Variants in RBFOX1 observed in about 807,000 individuals in gnomAD.
RBFOX1 encodes RNA binding fox-1 homolog 1, also known as RNA binding protein fox-1 homolog 1.
RBFOX1 carries 8 observed loss-of-function variants against 57.7 expected under a neutral mutation model. The ratio of observed to expected loss-of-function variants is 0.14; its 90% CI spans 0.08 to 0.25. The LOEUF is 0.25. RBFOX1 is among the 10% of genes least tolerant of loss of function. RBFOX1 has a pLI of 1.00. For missense variants in RBFOX1, 611 were observed against 548.5 expected (o/e 1.11, Z -1.14); for synonymous variants, 326 against 222.4 (o/e 1.47, Z -4.15).
intron 3 of RBFOX1, among the ~76,000 whole-genome samples, chr16:6,911,304 A>G (rs1269186764): frequency 6.6e-6 from 1 of 152,116 alleles, no homozygotes; most frequent in Non-Finnish European, 1.5e-5. Context: ...GGCTTCGGCA[A>G]CAGAAATGTT....
intron 2 of RBFOX1, among the ~76,000 whole-genome samples, chr16:5,533,705 T>G (rs1399068358): frequency 6.6e-6 from 1 of 152,192 alleles, no homozygotes; most frequent in Non-Finnish European, 1.5e-5. Flanking sequence ...TAGTCAGCCT[T>G]GTAAAATGAC....
intron 3 of RBFOX1, among the ~76,000 whole-genome samples, chr16:6,781,782 G>C (rs2081062836): frequency 6.6e-6 from 1 of 151,974 alleles, no homozygotes; most frequent in East Asian, 1.9e-4. Context: ...TCTTAGCTCT[G>C]ATTTCATATA....
At chr16:6,948,906 A>T (rs546323366) in intron 3 of RBFOX1, among the ~76,000 whole-genome samples, 40 of 152,264 alleles carry the variant, frequency 2.6e-4, no homozygotes, top group East Asian at 5.8e-4. Flanking sequence ...CTGACTGTCA[A>T]TGAGGAAGGG....
At chr16:6,888,686 A>G (rs1279289364) in intron 3 of RBFOX1, among the ~76,000 whole-genome samples, 2 of 152,138 alleles carry the variant, frequency 1.3e-5, no homozygotes, top group Non-Finnish European at 2.9e-5. Context: ...GTATTCTAAG[A>G]TCCTAGTAAA....
At chr16:6,156,759 T>C (rs551363657) in intron 1 of RBFOX1, among the ~76,000 whole-genome samples, 174 of 152,274 alleles carry the variant, frequency 1.1e-3, no homozygotes, top group Middle Eastern at 3.4e-3. Context: ...TTTCAGTCCA[T>C]TGGGGGCTCT....
intron 1 of RBFOX1, among the ~76,000 whole-genome samples, chr16:6,030,908 C>T (rs527726859): frequency 1.3e-5 from 2 of 152,266 alleles, no homozygotes; most frequent in African/African-American, 4.8e-5. Flanking sequence ...CACTGTTAGG[C>T]ACTGGGGATA....
chr16:7,363,118 G>A (rs1053074932), intron 4 of RBFOX1, among the ~76,000 whole-genome samples: 10 of 152,154 alleles, frequency 6.6e-5, no homozygotes, highest in Non-Finnish European at 1.0e-4. Context: ...CTGCTCTTAC[G>A]CTGTGACTGC....
At chr16:6,985,034 G>T (rs2089927176) in intron 3 of RBFOX1, among the ~76,000 whole-genome samples, 1 of 144,796 alleles carries the variant, frequency 6.9e-6, no homozygotes, top group African/African-American at 2.6e-5. Flanking sequence ...GGCTTTGCTG[G>T]CCAGATCCCA....
chr16:5,902,539 C>G (rs2058330240), intron 4 of RBFOX1, among the ~76,000 whole-genome samples: 1 of 152,216 alleles, frequency 6.6e-6, no homozygotes, highest in South Asian at 2.1e-4. Flanking sequence ...CGCCAGCCAC[C>G]CGAGTAGCTG....
At chr16:6,925,108 G>GT (rs2075300186) in intron 3 of RBFOX1, among the ~76,000 whole-genome samples, 1 of 70,436 alleles carries the variant, frequency 1.4e-5, no homozygotes, top group Non-Finnish European at 2.7e-5. Flanking sequence ...CTAGGTTGTT[G>GT]GTTTTTTTTT....
chr16:7,025,195 C>G (rs1482607943), intron 3 of RBFOX1, among the ~76,000 whole-genome samples: 4 of 152,134 alleles, frequency 2.6e-5, no homozygotes, highest in Non-Finnish European at 1.5e-5. Context: ...TGATGATATG[C>G]TAAACAAGGG....
chr16:5,900,564 C>T (rs966190635), intron 4 of RBFOX1, among the ~76,000 whole-genome samples: 2 of 152,170 alleles, frequency 1.3e-5, no homozygotes, highest in Middle Eastern at 3.2e-3. Context: ...TCATCGCAAC[C>T]TTCCTGCTCC....
intron 2 of RBFOX1, among the ~76,000 whole-genome samples, chr16:6,498,025 G>A (rs1420951046): frequency 6.6e-6 from 1 of 151,952 alleles, no homozygotes; most frequent in Admixed American, 6.6e-5. Flanking sequence ...GAGGCGGGTG[G>A]ATCGCCTAAG....
intron 4 of RBFOX1, among the ~76,000 whole-genome samples, chr16:7,167,548 C>T (rs757457155): frequency 6.6e-6 from 1 of 152,042 alleles, no homozygotes; most frequent in Admixed American, 6.6e-5. Flanking sequence ...GGAGGGAGTG[C>T]GACCCCGCCA....
chr16:5,522,670 C>T (rs1017094587), intron 2 of RBFOX1, among the ~76,000 whole-genome samples: 1 of 152,212 alleles, frequency 6.6e-6, no homozygotes, highest in Non-Finnish European at 1.5e-5. Flanking sequence ...ACCAGTCTCT[C>T]TCATCTCTCC....
rs112743745 is a variant in RBFOX1 at position 6,820,665 on chromosome 16, A to G, written c.-16+166015A>G. Among the ~76,000 whole-genome samples the G allele has an allele frequency of 4.8e-3, 615 of 128,014 alleles. 3 individuals carry two copies. The highest frequency in any genetic ancestry group is 8.2e-3 in the Non-Finnish European group (443 of 54,022). The allele number at this position is 128,014 out of a possible 152,430, so 84.0% of individuals were successfully genotyped here. A position where few individuals can be genotyped will look rare whatever the true frequency, so the allele number is the denominator to read the frequency against. On this transcript the variant is annotated intron_variant, in intron 3 of 15. Coordinates refer to ENST00000550418, the MANE Select transcript of RBFOX1 (RefSeq NM_018723.4). ...CAGAGCAAGACCCTGTCTCCAAAAA[A>G]AAAACAAGCAAAACAAACAAACAAA...
chr16:7,162,293 A>G (rs1482468040), intron 4 of RBFOX1, among the ~76,000 whole-genome samples: 3 of 152,202 alleles, frequency 2.0e-5, no homozygotes, highest in Admixed American at 1.3e-4. Flanking sequence ...ATATATATGT[A>G]TACACACATA....
intron 2 of RBFOX1, among the ~76,000 whole-genome samples, chr16:6,357,335 A>G (rs140261613): frequency 6.6e-6 from 1 of 152,020 alleles, no homozygotes; most frequent in African/African-American, 2.4e-5. Flanking sequence ...TTGAGAAGTT[A>G]GTGGCTAATT....
intron 3 of RBFOX1, among the ~76,000 whole-genome samples, chr16:6,973,948 C>T (rs1001081094): frequency 1.3e-5 from 2 of 152,084 alleles, no homozygotes; most frequent in South Asian, 2.1e-4. Flanking sequence ...TCCCAGCAGA[C>T]CCCAGTGTGT....
Sources: allele counts gnomAD v4.1 joint callset (sites outside exome capture counted in the v4.1 genomes callset), GRCh38; gene constraint gnomAD v4.1.1; transcripts MANE v1.5; gene names NCBI Gene and HGNC (gene_info 2026-07-23, HGNC 2026-07-21).